RMC1: variants seen among roughly 807,000 people sequenced by gnomAD.
RMC1 encodes regulator of MON1-CCZ1, also known as regulator of MON1-CCZ1 complex.
Under a neutral mutation model 95.5 loss-of-function variants are expected in RMC1, and 44 were observed. That is an observed-to-expected ratio of 0.46 (90% CI 0.36 to 0.59). RMC1 has a LOEUF of 0.59. Ranked by LOEUF, RMC1 falls within the 20% of genes least tolerant of loss-of-function variation. The probability of loss-of-function intolerance (pLI) is 0.00; values close to 1 mark genes in which losing one functional copy is unlikely to be tolerated. For synonymous variants in RMC1, 320 were observed against 303.6 expected, an observed-to-expected ratio of 1.05 and a Z score of -0.56; for missense variants, 705 against 819.6, an observed-to-expected ratio of 0.86 and a Z score of 1.71.
intron 2 of RMC1, among the ~76,000 whole-genome samples, chr18:23,505,358 G>A (rs954935202): frequency 7.9e-5 from 12 of 152,064 alleles, no homozygotes; most frequent in African/African-American, 2.9e-4. Context: ...CGCTGCACCC[G>A]GCCTGAGCAA....
chr18:23,510,472 AC>A (rs1219777226), intron 5 of RMC1, among the ~76,000 whole-genome samples: 1 of 152,080 alleles, frequency 6.6e-6, no homozygotes, highest in Non-Finnish European at 1.5e-5. Context: ...ACATGACGAA[AC>A]CCTGTCTCTA....
At chr18:23,503,765 T>C in intron 1 of RMC1, 45 bp downstream of exon 1, 1 of 1,538,918 alleles carries the variant, frequency 6.5e-7, no homozygotes, top group African/African-American at 1.4e-5. Flanking sequence ...CCTGCCGGGG[T>C]CGTGGGCGCG....
At position 23,504,383 on chromosome 18, in the gene RMC1, C is replaced by A. The variant is rs766051039; in HGVS notation, c.115C>A (p.Arg39=). The A allele has an allele frequency of 6.2e-7, 1 of 1,613,958 alleles. No individual in the cohort carries two copies. The highest frequency in any genetic ancestry group is 8.5e-7 in the Non-Finnish European group (1 of 1,179,998). The change falls in exon 2 of 20, where the codon CGA becomes AGA. Residue 39 remains arginine, a synonymous_variant. Transcript: ENST00000269221. Reference sequence around the variant, plus strand: ...TTTTCCCTCTCAGGTTTTTGCTGTTCGATCTGGTGGAGCTACTGGCGTGGT... The same window carrying A: ...TTTTCCCTCTCAGGTTTTTGCTGTTAGATCTGGTGGAGCTACTGGCGTGGT... ...DEANKQVFAV[R]SGGATGVVVK...
rs772985708 is a variant in RMC1, at chr18:23,530,581, G to T, written c.1863G>T (p.Gln621His). 4 of 1,614,018 alleles carry T rather than the reference G, an allele frequency of 2.5e-6. No homozygotes were observed. The South Asian group carries it at 4.4e-5, about 18-fold the overall frequency. The change falls in exon 19 of 20, where the codon CAG becomes CAT. Residue 621 changes from glutamine to histidine, a missense_variant. Physicochemically the swap from Gln to His is conservative, Grantham distance 24. Transcript: ENST00000269221. The part of the protein sequence containing the change: ...TIFRFFEQRN[Q>H]RLRGSPNFTP... Reference sequence around the variant, plus strand: ...TCCGCTTTTTTGAACAGCGAAACCAGCGTTTGCGAGGGAGCCCCAATTTCA... The same window carrying T: ...TCCGCTTTTTTGAACAGCGAAACCATCGTTTGCGAGGGAGCCCCAATTTCA...
intron 10 of RMC1, among the ~76,000 whole-genome samples, chr18:23,523,163 T>C (rs1199719094): frequency 1.3e-5 from 2 of 152,194 alleles, no homozygotes; most frequent in South Asian, 4.1e-4. Flanking sequence ...CTGGGCTCTT[T>C]CCTACCTTTG....
intron 5 of RMC1, among the ~76,000 whole-genome samples, chr18:23,512,016 CTT>C (rs34759918): frequency 1.6e-4 from 20 of 127,202 alleles, no homozygotes; most frequent in Admixed American, 4.9e-4. Context: ...GGTAGAAAGA[CTT>C]TTTTTTTTTT....
chr18:23,528,953 C>A, intron 14 of RMC1: 1 of 507,548 alleles, frequency 2.0e-6, no homozygotes, highest in Non-Finnish European at 3.3e-6. Flanking sequence ...GATCTTGGCT[C>A]ACCGCAACCT....
upstream of RMC1, chr18:23,503,500 G>C (rs867141574): frequency 3.7e-6 from 2 of 544,686 alleles, no homozygotes; most frequent in Non-Finnish European, 5.5e-6. Flanking sequence ...AGCGGCGTCC[G>C]CGCCGGGCCC....
chr18:23,511,640 CTT>C (rs1285260117), intron 5 of RMC1, among the ~76,000 whole-genome samples: 2 of 150,620 alleles, frequency 1.3e-5, no homozygotes, highest in Non-Finnish European at 3.0e-5. Context: ...TGTATATAAA[CTT>C]TTGCAGCTAG....
At position 23,503,582 on chromosome 18, in the gene RMC1, C is replaced by A. The variant is rs1406510100; in HGVS notation, c.-37C>A. ...GCGCATCCTGCTCCACTCTGGCGACCGCCCCCGGGGCCCCCGCCGCGGGCG... is the reference window on the plus strand; with the variant it reads ...GCGCATCCTGCTCCACTCTGGCGACAGCCCCCGGGGCCCCCGCCGCGGGCG... On this transcript the variant is annotated 5_prime_UTR_variant, in exon 1 of 20. Coordinates refer to ENST00000269221, the MANE Select transcript of RMC1 (RefSeq NM_013326.5). 1.3e-6 allele frequency: 2 copies of A among 1,500,890 alleles called. No homozygotes were observed. Among genetic ancestry groups the A allele is most frequent in the Non-Finnish European group, 1.8e-6 (2 of 1,113,376 alleles). The allele number at this position is 1,500,890 out of a possible 1,614,324, so 93.0% of individuals were successfully genotyped here.
At chr18:23,511,643 T>C (rs933008406) in intron 5 of RMC1, among the ~76,000 whole-genome samples, 3 of 152,174 alleles carry the variant, frequency 2.0e-5, no homozygotes, top group East Asian at 3.8e-4. Context: ...ATATAAACTT[T>C]TGCAGCTAGC....
At chr18:23,529,514 A>G (rs2058419679) in intron 15 of RMC1, 121 bp from the exon 16 acceptor site, 2 of 1,251,866 alleles carry the variant, frequency 1.6e-6, no homozygotes, top group Non-Finnish European at 2.3e-6. Flanking sequence ...GTGCAAAACC[A>G]GTGAAAGATG....
rs772611485 is a variant in RMC1, at chr18:23,531,592, A to G, written c.1895-33A>G. ...TTCTTTGTCCCTCATTTCATGCCAC[A>G]TCTAACTGGCAATTAAATCTCTTCC... On this transcript the variant is annotated intron_variant, in intron 19 of 19. Transcript: ENST00000269221. 1.7e-5 allele frequency: 28 copies of G among 1,605,280 alleles called. No individual in the cohort carries two copies. The East Asian group carries it at 6.0e-4, about 35-fold the overall frequency.
intron 14 of RMC1, chr18:23,528,932 T>C (rs770937862): frequency 3.9e-5 from 15 of 387,984 alleles, no homozygotes; most frequent in Non-Finnish European, 6.0e-5. Flanking sequence ...CAGGCTGGAG[T>C]GCAATGGTGA....
chr18:23,507,589 G>A (rs990009721), intron 3 of RMC1, among the ~76,000 whole-genome samples: 4 of 152,152 alleles, frequency 2.6e-5, no homozygotes, highest in Non-Finnish European at 5.9e-5. Flanking sequence ...CACCATTGCC[G>A]TTTGTAGAGT....
chr18:23,516,653 ACC>A lies in RMC1; in HGVS notation c.653+231_653+232del, dbSNP rs1349157799. ...CTTTGTGATGCTAAGGAATTCCTTT[ACC>A]TTTCTAGCCTGATAAAACAAGAACA... On this transcript the variant is annotated intron_variant, in intron 7 of 19. Transcript: ENST00000269221. 2.6e-5 allele frequency among the ~76,000 whole-genome samples: 4 copies of A among 151,390 alleles called. No homozygotes were observed. In the South Asian group the frequency reaches 8.3e-4, roughly 32 times the overall value.
Position 23,524,151 on chromosome 18 carries a change from A to G in RMC1, c.983A>G (p.Gln328Arg). 1 of 1,614,076 alleles carries G rather than the reference A, an allele frequency of 6.2e-7. No homozygotes were observed. The change falls in exon 11 of 20, where the codon CAG becomes CGG. Residue 328 changes from glutamine to arginine, a missense_variant. By Grantham distance (43) the Gln-to-Arg change is conservative. Transcript: ENST00000269221. ...PITGPAAVTS[Q>R]SPVPCKLYSS... Reference sequence around the variant, plus strand: ...GTAGGTCCTGCTGCCGTGACCAGCCAGTCTCCTGTTCCATGTAAACTCTGT... The same window carrying G: ...GTAGGTCCTGCTGCCGTGACCAGCCGGTCTCCTGTTCCATGTAAACTCTGT...
chr18:23,524,310 C>T, intron 11 of RMC1, 119 bp from the exon 12 acceptor site: 1 of 1,487,144 alleles, frequency 6.7e-7, no homozygotes, highest in Non-Finnish European at 9.4e-7. Context: ...CCTGACTGTC[C>T]AGGGGCCTCG....
intron 5 of RMC1, among the ~76,000 whole-genome samples, chr18:23,515,649 C>T (rs1027559037): frequency 5.9e-5 from 9 of 152,212 alleles, no homozygotes; most frequent in African/African-American, 2.2e-4. Context: ...TCTTGTGCCT[C>T]AGCCTTCTGA....
Sources: allele counts gnomAD v4.1 joint callset (sites outside exome capture counted in the v4.1 genomes callset), GRCh38; gene constraint gnomAD v4.1.1; transcripts MANE v1.5; gene names NCBI Gene and HGNC (gene_info 2026-07-23, HGNC 2026-07-21).